Variants in CNTNAP2 observed in about 807,000 individuals in gnomAD.
CNTNAP2 encodes contactin associated protein 2, also known as contactin-associated protein-like 2.
In CNTNAP2, 98 loss-of-function variants were observed where a neutral mutation model predicts 155.2. The observed-to-expected ratio is 0.63, with a 90% CI of 0.54 to 0.75. The LOEUF (loss-of-function observed/expected upper bound fraction) is 0.75, where lower values mean the gene tolerates loss of function less well. Ranked by LOEUF, CNTNAP2 falls within the 30% of genes least tolerant of loss-of-function variation. CNTNAP2 has a pLI of 0.00. For synonymous variants in CNTNAP2, 651 were observed against 631.2 expected (o/e 1.03, Z -0.47); for missense variants, 1,727 against 1,688.1 (o/e 1.02, Z -0.40).
intron 1 of CNTNAP2, among the ~76,000 whole-genome samples, chr7:146,274,946 C>A (rs773156708): frequency 2.0e-5 from 3 of 152,104 alleles, no homozygotes; most frequent in Admixed American, 6.6e-5. Flanking sequence ...CAAACATGAA[C>A]CTTCACCTGG....
At chr7:147,931,204 G>C (rs1421148223) in intron 14 of CNTNAP2, among the ~76,000 whole-genome samples, 1 of 116,858 alleles carries the variant, frequency 8.6e-6, no homozygotes, top group African/African-American at 4.2e-5. Flanking sequence ...GAAATAAACA[G>C]AGTAAAAAAA....
intron 11 of CNTNAP2, among the ~76,000 whole-genome samples, chr7:147,495,938 C>T (rs1433932110): frequency 6.6e-6 from 1 of 152,106 alleles, no homozygotes; most frequent in Non-Finnish European, 1.5e-5. Context: ...CCTGTCAGAT[C>T]ACGGGCAGCA....
chr7:146,562,295 ATTT>A (rs1188351002), intron 1 of CNTNAP2, among the ~76,000 whole-genome samples: 1 of 152,064 alleles, frequency 6.6e-6, no homozygotes, highest in African/African-American at 2.4e-5. Flanking sequence ...TTTTACTTAT[ATTT>A]TTAAAAAAAT....
intron 5 of CNTNAP2, among the ~76,000 whole-genome samples, chr7:147,113,018 G>T (rs1337474632): frequency 6.6e-6 from 1 of 151,938 alleles, no homozygotes; most frequent in East Asian, 1.9e-4. Flanking sequence ...TCTCGTCCTG[G>T]GCTTTTTCTG....
chr7:147,731,955 G>T (rs755720178), intron 13 of CNTNAP2, among the ~76,000 whole-genome samples: 1 of 152,098 alleles, frequency 6.6e-6, no homozygotes, highest in Admixed American at 6.5e-5. Context: ...GAGCCTGAAG[G>T]TGTGACTGAA....
chr7:146,905,997 C>A (rs950721809), intron 3 of CNTNAP2, among the ~76,000 whole-genome samples: 1 of 152,202 alleles, frequency 6.6e-6, no homozygotes, highest in Non-Finnish European at 1.5e-5. Context: ...CTGGGAAGCG[C>A]AAGGGGTCAG....
chr7:147,999,622 T>C (rs1801863256), intron 15 of CNTNAP2, among the ~76,000 whole-genome samples: 1 of 152,086 alleles, frequency 6.6e-6, no homozygotes, highest in African/African-American at 2.4e-5. Context: ...GTGAATATGA[T>C]CTTGTAGGAA....
chr7:148,018,464 A>G (rs1462078086), intron 15 of CNTNAP2, among the ~76,000 whole-genome samples: 1 of 152,222 alleles, frequency 6.6e-6, no homozygotes, highest in Non-Finnish European at 1.5e-5. Context: ...ACATATTTCA[A>G]AAACCAAGTA....
At chr7:147,990,294 G>C (rs1801688009) in intron 15 of CNTNAP2, among the ~76,000 whole-genome samples, 1 of 152,166 alleles carries the variant, frequency 6.6e-6, no homozygotes, top group African/African-American at 2.4e-5. Flanking sequence ...AACACAAAAG[G>C]CAGCTCAACA....
chr7:148,124,125 G>A (rs537905035), intron 16 of CNTNAP2, among the ~76,000 whole-genome samples: 1 of 152,180 alleles, frequency 6.6e-6, no homozygotes, highest in Non-Finnish European at 1.5e-5. Context: ...AAGGAGCAAG[G>A]TCCCCATGGC....
At chr7:146,712,228 A>C (rs1209153164) in intron 1 of CNTNAP2, among the ~76,000 whole-genome samples, 1 of 120,232 alleles carries the variant, frequency 8.3e-6, no homozygotes, top group African/African-American at 2.9e-5. Flanking sequence ...GTATACAAAT[A>C]TGTATACATA....
At chr7:146,868,429 A>G (rs185981601) in intron 3 of CNTNAP2, among the ~76,000 whole-genome samples, 3 of 152,206 alleles carry the variant, frequency 2.0e-5, no homozygotes, top group African/African-American at 7.2e-5. Flanking sequence ...GCCTTGTAGT[A>G]TAGTTTAAAG....
At chr7:146,464,706 A>G (rs533605256) in intron 1 of CNTNAP2, among the ~76,000 whole-genome samples, 2 of 152,208 alleles carry the variant, frequency 1.3e-5, no homozygotes, top group South Asian at 4.1e-4. Flanking sequence ...TTGCATTCTA[A>G]TATCGAGTGC....
At chr7:148,274,695 A>G (rs1447016480) in intron 21 of CNTNAP2, among the ~76,000 whole-genome samples, 1 of 152,174 alleles carries the variant, frequency 6.6e-6, no homozygotes, top group Non-Finnish European at 1.5e-5. Context: ...AGCAGATGCC[A>G]GTGCTGTGCC....
chr7:146,198,723 A>G (rs1434692892), intron 1 of CNTNAP2, among the ~76,000 whole-genome samples: 2 of 151,980 alleles, frequency 1.3e-5, no homozygotes, highest in Non-Finnish European at 2.9e-5. Flanking sequence ...CTTATATTCT[A>G]GGTTTCAGTT....
intron 1 of CNTNAP2, among the ~76,000 whole-genome samples, chr7:146,389,819 A>C (rs1184762064): frequency 6.7e-6 from 1 of 149,418 alleles, no homozygotes; most frequent in Non-Finnish European, 1.5e-5. Context: ...TTCCTGCCTC[A>C]GTTTGCCGAG....
At chr7:146,204,542 G>T (rs984433919) in intron 1 of CNTNAP2, among the ~76,000 whole-genome samples, 3 of 152,104 alleles carry the variant, frequency 2.0e-5, no homozygotes, top group Non-Finnish European at 4.4e-5. Flanking sequence ...TATGAAAATT[G>T]CCCAAATTCC....
At chr7:146,639,546 T>C (rs2129160855) in intron 1 of CNTNAP2, among the ~76,000 whole-genome samples, 1 of 152,314 alleles carries the variant, frequency 6.6e-6, no homozygotes. Flanking sequence ...TTTTCTTACC[T>C]CTCACTACCA....
intron 1 of CNTNAP2, among the ~76,000 whole-genome samples, chr7:146,155,439 T>C (rs181680732): frequency 4.7e-4 from 71 of 152,198 alleles, no homozygotes; most frequent in Non-Finnish European, 8.1e-4. Flanking sequence ...TCTCATACAA[T>C]TTTATTCGTA....
Sources: allele counts gnomAD v4.1 joint callset (sites outside exome capture counted in the v4.1 genomes callset), GRCh38; gene constraint gnomAD v4.1.1; transcripts MANE v1.5; gene names NCBI Gene and HGNC (gene_info 2026-07-23, HGNC 2026-07-21).